Variants in ZNF214 observed in about 807,000 individuals in gnomAD.
ZNF214 encodes zinc finger protein 214.
A neutral mutation model predicts 53.9 loss-of-function variants in ZNF214; 43 were observed. That is an observed-to-expected ratio of 0.80 (90% CI 0.63 to 1.03). The LOEUF (loss-of-function observed/expected upper bound fraction) is 1.03, where lower values mean the gene tolerates loss of function less well. Among genes scored for constraint, ZNF214 ranks in the 50% least tolerant of loss-of-function variants. ZNF214 has a pLI of 0.00. For synonymous variants in ZNF214, 217 were observed against 229.5 expected, an observed-to-expected ratio of 0.95 and a Z score of 0.49; for missense variants, 724 against 719.1, an observed-to-expected ratio of 1.01 and a Z score of -0.08.
At chr11:7,003,720 A>C (rs1330356385) in intron 1 of ZNF214, among the ~76,000 whole-genome samples, 1 of 151,986 alleles carries the variant, frequency 6.6e-6, no homozygotes, top group Admixed American at 6.6e-5. Flanking sequence ...GGGCAAAGGA[A>C]AGATGTACTG....
At position 6,998,128 on chromosome 11, in the gene ZNF214, T is replaced by C. The variant is rs907738183; in HGVS notation, c.*1734A>G. Among the ~76,000 whole-genome samples the C allele has an allele frequency of 2.0e-5, 3 of 151,972 alleles. No individual in the cohort carries two copies. Among genetic ancestry groups the C allele is most frequent in the Admixed American group, 6.6e-5 (1 of 15,236 alleles). On this transcript the variant is annotated 3_prime_UTR_variant, in exon 3 of 3. Coordinates refer to ENST00000278314, the MANE Select transcript of ZNF214 (RefSeq NM_013249.4). ...ACTTTTGTTATAAAACTGGTGATAA[T>C]AAACTTTTCAAATCTCAAAATTCTG...
chr11:7,010,213 A>G (rs10732506), intron 1 of ZNF214, among the ~76,000 whole-genome samples: 146,740 of 152,160 alleles, frequency 0.96, 70,995 homozygotes, highest in Middle Eastern at 1. Context: ...TGTGGTACAC[A>G]TATACCATGG....
intron 1 of ZNF214, among the ~76,000 whole-genome samples, chr11:7,017,282 C>T (rs902120814): frequency 2.6e-5 from 4 of 152,146 alleles, no homozygotes; most frequent in Non-Finnish European, 5.9e-5. Flanking sequence ...TTCAAGTTCA[C>T]ATAACATTTC....
rs752036008 is a variant in ZNF214, at chr11:7,000,674, T to C, written c.1009A>G (p.Lys337Glu). 6.2e-7 allele frequency: 1 copy of C among 1,601,360 alleles called. No homozygotes were observed. The highest frequency in any genetic ancestry group is 8.5e-7 in the Non-Finnish European group (1 of 1,175,912). ...AGTAATGAATTTCTACTGAGGTCTTTATCACACTCAATTTTATAGAATTTC... is the reference window on the plus strand; with the variant it reads ...AGTAATGAATTTCTACTGAGGTCTTCATCACACTCAATTTTATAGAATTTC... ...EEKFYKIECD[K>E]DLSRNSLLHI... Residue 337 changes from lysine (K) to glutamate (E), a missense_variant, in exon 3 of 3, where the codon AAA (lysine) becomes GAA (glutamate). Physicochemically the swap from Lys to Glu is moderately conservative, Grantham distance 56. Transcript: ENST00000278314.
At chr11:7,016,348 C>T (rs949035981) in intron 1 of ZNF214, among the ~76,000 whole-genome samples, 1 of 152,074 alleles carries the variant, frequency 6.6e-6, no homozygotes, top group Non-Finnish European at 1.5e-5. Context: ...GTACTATGAC[C>T]AATGTGCTAT....
At position 7,000,934 on chromosome 11, in the gene ZNF214, G is replaced by C. The variant is rs757120926; in HGVS notation, c.749C>G (p.Ser250Cys). Reference sequence around the variant, plus strand: ...CTGAGAGAAGCATGCTTTACAGATGGAGCATTGACAGAGGTTTTCTCCAGG... The same window carrying C: ...CTGAGAGAAGCATGCTTTACAGATGCAGCATTGACAGAGGTTTTCTCCAGG... The part of the protein sequence containing the change: ...NQPGENLCQC[S>C]ICKACFSQRS... The change falls in exon 3 of 3, where the codon TCC becomes TGC. Residue 250 changes from serine to cysteine, a missense_variant. Coordinates refer to ENST00000278314, the MANE Select transcript of ZNF214 (RefSeq NM_013249.4). 2 of 1,612,998 alleles carry C rather than the reference G, an allele frequency of 1.2e-6. No homozygotes were observed. Among genetic ancestry groups the C allele is most frequent in the Non-Finnish European group, 1.7e-6 (2 of 1,179,554 alleles).
chr11:6,999,985 G>A lies in ZNF214; in HGVS notation c.1698C>T (p.Ser566=). 6.2e-7 allele frequency: 1 copy of A among 1,613,220 alleles called. No individual in the cohort carries two copies. Among genetic ancestry groups the A allele is most frequent in the Non-Finnish European group, 8.5e-7 (1 of 1,179,508 alleles). The part of the protein sequence containing the change: ...CAKCGKGFSH[S]SALRIHQRVH... ...CTCTTTGATGAATTCGAAGAGCTGA[G>A]CTATGACTGAAACCTTTACCACACT... is the stretch of plus-strand genomic sequence containing the variant. Residue 566 remains serine (S), a synonymous_variant, in exon 3 of 3, where the codon AGC becomes AGT. Transcript: ENST00000278314.
intron 1 of ZNF214, among the ~76,000 whole-genome samples, chr11:7,008,304 A>C (rs2133398293): frequency 6.6e-6 from 1 of 152,190 alleles, no homozygotes; most frequent in South Asian, 2.1e-4. Context: ...ATGGTGGCCC[A>C]CACCTGTGGT....
intron 1 of ZNF214, among the ~76,000 whole-genome samples, chr11:7,003,716 A>C (rs1425580561): frequency 1.3e-5 from 2 of 151,978 alleles, no homozygotes; most frequent in African/African-American, 4.8e-5. Context: ...AGAAGGGCAA[A>C]GGAAAGATGT....
chr11:7,001,012 C>T lies in ZNF214; in HGVS notation c.671G>A (p.Cys224Tyr), dbSNP rs200927262. 98 of 1,613,066 alleles carry T rather than the reference C, an allele frequency of 6.1e-5. No individual in the cohort carries two copies. Among genetic ancestry groups the T allele is most frequent in the Non-Finnish European group, 7.7e-5 (91 of 1,179,496 alleles). ...MEEKYCGCNK[C>Y]KGIYYWNSRC... ...TGAGTTCCAATAATAAATTCCTTTA[C>T]ATTTATTACATCCACAGTACTTTTC... is the stretch of plus-strand genomic sequence containing the variant. Residue 224 changes from cysteine (C) to tyrosine (Y), a missense_variant, in exon 3 of 3, where the codon TGT (cysteine) becomes TAT (tyrosine). Coordinates refer to ENST00000278314, the MANE Select transcript of ZNF214 (RefSeq NM_013249.4).
At chr11:7,018,456 T>C (rs533803143) in intron 1 of ZNF214, among the ~76,000 whole-genome samples, 6 of 151,552 alleles carry the variant, frequency 4.0e-5, no homozygotes, top group Non-Finnish European at 5.9e-5. Context: ...TCAGAAATTA[T>C]TATTAATCTC....
In ZNF214 at chr11:7,002,796, A is replaced by G. The variant is rs1851384824; in HGVS notation, c.40T>C (p.Trp14Arg). 6.2e-7 allele frequency: 1 copy of G among 1,609,038 alleles called. No individual in the cohort carries two copies. Residue 14 changes from tryptophan (W) to arginine (R), a missense_variant, in exon 2 of 3, where the codon TGG becomes CGG. Coordinates refer to ENST00000278314, the MANE Select transcript of ZNF214 (RefSeq NM_013249.4). The part of the protein sequence containing the change: ...TFEDVTIIFT[W>R]EEWKFLDSSQ... ...GAATCCAGGAATTTCCACTCCTCCCATGTAAAAATAATAGTCACATCTTCA... is the reference window on the plus strand; with the variant it reads ...GAATCCAGGAATTTCCACTCCTCCCGTGTAAAAATAATAGTCACATCTTCA...
chr11:7,019,716 A>C (rs1851866418), intron 1 of ZNF214: 1 of 152,262 alleles, frequency 6.6e-6, no homozygotes, highest in Non-Finnish European at 1.5e-5. Context: ...TTGCCACCCC[A>C]GTCCTTCCTT....
chr11:7,011,100 A>G (rs1851597242), intron 1 of ZNF214, among the ~76,000 whole-genome samples: 1 of 152,102 alleles, frequency 6.6e-6, no homozygotes, highest in South Asian at 2.1e-4. Context: ...TCTAGCAAAC[A>G]TGTAATTAAC....
Position 6,998,647 on chromosome 11 carries a change from C to T in ZNF214, c.*1215G>A, listed in dbSNP as rs552800444. Among the ~76,000 whole-genome samples, 105 of 152,022 alleles carry T rather than the reference C, an allele frequency of 6.9e-4. No homozygotes were observed. Among genetic ancestry groups the T allele is most frequent in the African/African-American group, 2.5e-3 (102 of 41,514 alleles). ...CTCTTTTCACTTTAGATACTCTTCT[C>T]TACTTGTATATTTCTACTCTATCTT... On this transcript the variant is annotated 3_prime_UTR_variant, in exon 3 of 3. Coordinates refer to ENST00000278314, the MANE Select transcript of ZNF214 (RefSeq NM_013249.4).
Position 6,998,298 on chromosome 11 carries a change from C to G in ZNF214, c.*1564G>C, listed in dbSNP as rs1851233322. On this transcript the variant is annotated 3_prime_UTR_variant, in exon 3 of 3. Transcript: ENST00000278314. The stretch of plus-strand genomic sequence containing the variant: ...ACCTGTTTCTAAGGTTGCTTTAATA[C>G]TGGTTTTGCCTAAAACTTAGTGACC... 6.6e-6 allele frequency among the ~76,000 whole-genome samples: 1 copy of G among 151,854 alleles called. No individual in the cohort carries two copies. The highest frequency in any genetic ancestry group is 2.1e-4 in the South Asian group (1 of 4,830).
intron 1 of ZNF214, among the ~76,000 whole-genome samples, chr11:7,003,941 A>G (rs1286483008): frequency 6.6e-6 from 1 of 151,778 alleles, no homozygotes; most frequent in Admixed American, 6.6e-5. Context: ...CACTTTAAAT[A>G]TATAAATTAA....
chr11:6,997,970 A>G lies in ZNF214; in HGVS notation c.*1892T>C, dbSNP rs1851225638. ...AAACTATCCAGACAACTGCATATCT[A>G]ATTGATTTCAGTGCTTATCACTAGT... On this transcript the variant is annotated 3_prime_UTR_variant, in exon 3 of 3. Transcript: ENST00000278314. 6.6e-6 allele frequency among the ~76,000 whole-genome samples: 1 copy of G among 151,904 alleles called. No homozygotes were observed. The highest frequency in any genetic ancestry group is 1.5e-5 in the Non-Finnish European group (1 of 67,880).
At position 7,000,887 on chromosome 11, in the gene ZNF214, G is replaced by A; in HGVS notation, c.796C>T (p.Pro266Ser). Reference protein sequence around the residue: ...FSQRSDLYRHPRNHIGKKLYG... With the variant: ...FSQRSDLYRHSRNHIGKKLYG... The stretch of plus-strand genomic sequence containing the variant: ...AGCTTCTTACCTATGTGGTTTCTTG[G>A]ATGTCTATACAAGTCTGATCTCTGA... Residue 266 changes from proline (P) to serine (S), a missense_variant, in exon 3 of 3, where the codon CCA (proline) becomes TCA (serine). Transcript: ENST00000278314. The A allele has an allele frequency of 1.2e-6, 2 of 1,613,172 alleles. No individual in the cohort carries two copies. Among genetic ancestry groups the A allele is most frequent in the Non-Finnish European group, 1.7e-6 (2 of 1,179,552 alleles).
Sources: allele counts gnomAD v4.1 joint callset (sites outside exome capture counted in the v4.1 genomes callset), GRCh38; gene constraint gnomAD v4.1.1; transcripts MANE v1.5; gene names NCBI Gene and HGNC (gene_info 2026-07-23, HGNC 2026-07-21).